CBX3: variants seen among roughly 807,000 people sequenced by gnomAD.
CBX3 encodes chromobox 3, also known as chromobox protein homolog 3.
Under a neutral mutation model 22.6 loss-of-function variants are expected in CBX3, and 5 were observed. The ratio of observed to expected loss-of-function variants is 0.22; its 90% CI spans 0.12 to 0.47. The LOEUF is 0.47. Among genes scored for constraint, CBX3 ranks in the 20% least tolerant of loss-of-function variants. The pLI is 0.99. For missense variants in CBX3, 83 were observed against 208.1 expected, an observed-to-expected ratio of 0.40 and a Z score of 3.70; for synonymous variants, 50 against 66.6, an observed-to-expected ratio of 0.75 and a Z score of 1.21.
intron 4 of CBX3, chr7:26,210,018 G>C (rs550761204): frequency 6.7e-4 from 102 of 152,240 alleles, no homozygotes; most frequent in African/African-American, 2.3e-3. Flanking sequence ...GGCCAGGCAC[G>C]GTGGCTCGCA....
At chr7:26,208,662 C>T in intron 4 of CBX3, 107 bp downstream of exon 4, 1 of 1,090,364 alleles carries the variant, frequency 9.2e-7, no homozygotes, top group South Asian at 1.6e-5. Flanking sequence ...CTCTTGTCGC[C>T]CAGGCTGGAG....
chr7:26,206,068 C>T (rs1008525575), intron 2 of CBX3: 7 of 256,226 alleles, frequency 2.7e-5, no homozygotes, highest in East Asian at 1.1e-4. Context: ...CCAGCCTGGG[C>T]GACAAGAGTG....
In CBX3 at chr7:26,208,501, A is replaced by G; in HGVS notation, c.276A>G (p.Lys92=). The change falls in exon 4 of 6, where the codon AAA becomes AAG. Residue 92 remains lysine, a synonymous_variant. Coordinates refer to ENST00000396386, the MANE Select transcript of CBX3 (RefSeq NM_016587.4). Reference sequence around the variant, plus strand: ...AAGAAAAAGATGGTACAAAAAGAAAATCTTTATCTGACAGTGAATCTGATG... The same window carrying G: ...AAGAAAAAGATGGTACAAAAAGAAAGTCTTTATCTGACAGTGAATCTGATG... ...AGKEKDGTKR[K]SLSDSESDDS... The G allele has an allele frequency of 6.2e-7, 1 of 1,613,914 alleles. No individual in the cohort carries two copies. Among genetic ancestry groups the G allele is most frequent in the African/African-American group, 1.3e-5 (1 of 75,062 alleles).
chr7:26,210,963 TATTAAGTAC>T (rs1162911096), intron 4 of CBX3, among the ~76,000 whole-genome samples: 1 of 151,972 alleles, frequency 6.6e-6, no homozygotes, highest in East Asian at 1.9e-4. Context: ...CACTGGTTTA[TATTAAGTAC>T]TTTCTAGCGC....
intron 1 of CBX3, chr7:26,202,720 C>T (rs1784572869): frequency 1.1e-5 from 5 of 453,024 alleles, no homozygotes; most frequent in African/African-American, 2.0e-5. Context: ...ACATTGGTCC[C>T]CTATTTTAAG....
intron 2 of CBX3, among the ~76,000 whole-genome samples, chr7:26,203,733 C>T (rs1474274859): frequency 6.6e-6 from 1 of 151,982 alleles, no homozygotes; most frequent in Non-Finnish European, 1.5e-5. Context: ...TAATCTTAAA[C>T]ACGTAAAGGT....
intron 1 of CBX3, 53 bp from the exon 2 acceptor site, chr7:26,202,918 G>C (rs1784582755): frequency 2.6e-6 from 3 of 1,138,800 alleles, no homozygotes; most frequent in Non-Finnish European, 4.0e-6. Flanking sequence ...TTTGTATTTA[G>C]TTACCTTTTT....
intron 2 of CBX3, 108 bp from the exon 3 acceptor site, chr7:26,206,260 A>T: frequency 1.5e-6 from 1 of 682,722 alleles, no homozygotes; most frequent in African/African-American, 1.8e-5. Context: ...TGGGATATAG[A>T]AGTAAAAATT....
chr7:26,212,829 CTA>C lies in CBX3; in HGVS notation c.*624_*625del, dbSNP rs1267839740. 6.6e-5 allele frequency: 10 copies of C among 152,348 alleles called. No individual in the cohort carries two copies. The highest frequency in any genetic ancestry group is 2.0e-4 in the Admixed American group (3 of 15,304). 9.4% of individuals were successfully genotyped at this position (152,348 alleles called of 1,614,324 possible). On this transcript the variant is annotated 3_prime_UTR_variant, in exon 6 of 6. Transcript: ENST00000396386. ...TTTAAATTGGATAATTTTAAAGTGT[CTA>C]TAATTGCAGTGGTTTATTTGCAAAA... is the stretch of plus-strand genomic sequence containing the variant.
At chr7:26,211,997 T>A in intron 5 of CBX3, 85 bp from the exon 6 acceptor site, 2 of 1,239,262 alleles carry the variant, frequency 1.6e-6, no homozygotes, top group Non-Finnish European at 2.2e-6. Context: ...ACCTTTTGTT[T>A]GGACTATTAT....
chr7:26,211,836 G>C, intron 5 of CBX3, 80 bp downstream of exon 5: 1 of 1,093,130 alleles, frequency 9.1e-7, no homozygotes, highest in Non-Finnish European at 1.3e-6. Context: ...TTCATCATTA[G>C]GTAGGGAAAA....
chr7:26,209,993 A>C (rs902513188), intron 4 of CBX3: 1 of 152,214 alleles, frequency 6.6e-6, no homozygotes, highest in Non-Finnish European at 1.5e-5. Context: ...TCACATGCTC[A>C]ACAGAAGCAG....
In CBX3 at chr7:26,213,422, G is replaced by C. The variant is rs1308256075; in HGVS notation, c.*1214G>C. 1 of 152,212 alleles carries C rather than the reference G, an allele frequency of 6.6e-6. No individual in the cohort carries two copies. Among genetic ancestry groups the C allele is most frequent in the Non-Finnish European group, 1.5e-5 (1 of 68,018 alleles). 9.4% of individuals were successfully genotyped at this position (152,212 alleles called of 1,614,324 possible). A position where few individuals can be genotyped will look rare whatever the true frequency, so the allele number is the denominator to read the frequency against. ...GAAATAGAAATGCCCACACTCATTG[G>C]ATTATCTTTGTTTATAAGTTAGATG... On this transcript the variant is annotated 3_prime_UTR_variant, in exon 6 of 6. Coordinates refer to ENST00000396386, the MANE Select transcript of CBX3 (RefSeq NM_016587.4).
chr7:26,202,765 G>T, intron 1 of CBX3: 1 of 531,452 alleles, frequency 1.9e-6, no homozygotes, highest in Non-Finnish European at 3.3e-6. Flanking sequence ...AGGATCCCCA[G>T]TAAAGTCTTT....
intron 4 of CBX3, 61 bp downstream of exon 4, chr7:26,208,616 T>A: frequency 6.8e-7 from 1 of 1,475,086 alleles, no homozygotes; most frequent in South Asian, 1.2e-5. Context: ...GCTTGATTTC[T>A]TTTTTGTTTG....
Sources: allele counts gnomAD v4.1 joint callset (sites outside exome capture counted in the v4.1 genomes callset), GRCh38; gene constraint gnomAD v4.1.1; transcripts MANE v1.5; gene names NCBI Gene and HGNC (gene_info 2026-07-23, HGNC 2026-07-21).